CELSR1: variants seen among roughly 807,000 people sequenced by gnomAD.
The protein encoded by CELSR1 is adhesion G protein-coupled receptor C1.
Under a neutral mutation model 249.1 loss-of-function variants are expected in CELSR1, and 110 were observed. That is an observed-to-expected ratio of 0.44 (90% confidence interval 0.38 to 0.52). The LOEUF is 0.52. Among genes scored for constraint, CELSR1 ranks in the 20% least tolerant of loss-of-function variants. The pLI is 0.00. For missense variants in CELSR1, 4,109 were observed against 4,296.4 expected, an observed-to-expected ratio of 0.96 and a Z score of 1.22; for synonymous variants, 2,113 against 1,900.0, an observed-to-expected ratio of 1.11 and a Z score of -2.92.
intron 5 of CELSR1, among the ~76,000 whole-genome samples, chr22:46,424,058 T>C (rs1211377853): frequency 1.3e-5 from 2 of 151,508 alleles, no homozygotes; most frequent in Non-Finnish European, 2.9e-5. Context: ...GCAAACATTG[T>C]AAATCTTAAA....
intron 5 of CELSR1, among the ~76,000 whole-genome samples, chr22:46,422,781 T>A (rs12167693): frequency 0.013 from 1,706 of 135,630 alleles, 98 homozygotes; most frequent in African/African-American, 0.046. Flanking sequence ...AAAAAAAAAA[T>A]GGCTCATAGT....
At chr22:46,457,121 A>C (rs148868865) in intron 2 of CELSR1, among the ~76,000 whole-genome samples, 3,111 of 152,260 alleles carry the variant, frequency 0.02, 116 homozygotes, top group African/African-American at 0.07. Flanking sequence ...CCGAGGCGGG[A>C]GGATCAGAAG....
At position 46,369,226 on chromosome 22, in the gene CELSR1, C is replaced by T; in HGVS notation, c.7905G>A (p.Lys2635=). 1 of 1,614,038 alleles carries T rather than the reference C, an allele frequency of 6.2e-7. No homozygotes were observed. The highest frequency in any genetic ancestry group is 1.1e-5 in the South Asian group (1 of 91,080). The change falls in exon 27 of 35, where the codon AAG becomes AAA. Residue 2635 remains lysine (K), a synonymous_variant. Coordinates refer to ENST00000674500, the MANE Select transcript of CELSR1 (RefSeq NM_001378328.1). ...AATGGTGCTTTCTTTGGCAGGAAAC[C>T]TTTGCAGATAGGACAGAAGTGACTG... ...INTVTSVLSA[K]VSCQRKHHYY...
rs1214031031 is a variant in CELSR1, at chr22:46,374,259, G to A, written c.7585-1202C>T. On this transcript the variant is annotated intron_variant, in intron 24 of 34. Transcript: ENST00000674500. This position sits in a 1 kb window ranked among gnomAD's most constrained non-coding sequence, Gnocchi z 4.3. ...AGGAAGGGGGTGAGAAGGTTGGTTG[G>A]CTGGATGGCTGCTTCAAGTAATGCG... Among the ~76,000 whole-genome samples, 1 of 152,174 alleles carries A rather than the reference G, an allele frequency of 6.6e-6. No homozygotes were observed. The highest frequency in any genetic ancestry group is 1.5e-5 in the Non-Finnish European group (1 of 68,038).
chr22:46,397,888 A>G, intron 11 of CELSR1, 40 bp from the exon 12 acceptor site: 1 of 1,471,602 alleles, frequency 6.8e-7, no homozygotes, highest in Non-Finnish European at 9.1e-7. Flanking sequence ...AGGAGCCCGG[A>G]AAGGTATGTA....
Position 46,530,149 on chromosome 22 carries a change from C to A in CELSR1, c.3544+3478G>T, listed in dbSNP as rs1203059341. On this transcript the variant is annotated intron_variant, in intron 1 of 34. Coordinates refer to ENST00000674500, the MANE Select transcript of CELSR1 (RefSeq NM_001378328.1). ...ACATAGTGAGACCTTGTCTCTATTACAAATAATTAAAAAAAAAATCAGCCA... is the reference window on the plus strand; with the variant it reads ...ACATAGTGAGACCTTGTCTCTATTAAAAATAATTAAAAAAAAAATCAGCCA... 4.0e-5 allele frequency among the ~76,000 whole-genome samples: 6 copies of A among 150,374 alleles called. No individual in the cohort carries two copies. The South Asian group carries it at 1.0e-3, about 26-fold the overall frequency.
In CELSR1 at chr22:46,490,711, AG is replaced by A. The variant is rs1334226176; in HGVS notation, c.3545-26367del. Among the ~76,000 whole-genome samples, 1 of 152,156 alleles carries A rather than the reference AG, an allele frequency of 6.6e-6. No homozygotes were observed. Among genetic ancestry groups the A allele is most frequent in the African/African-American group, 2.4e-5 (1 of 41,416 alleles). ...GTGTGCGGGGACACTTTAAAATACC[AG>A]AAAAATCTACAAAACCAACTCCTGC... On this transcript the variant is annotated intron_variant, in intron 1 of 34. Transcript: ENST00000674500. This position sits in a 1 kb window ranked among gnomAD's most constrained non-coding sequence, Gnocchi z 5.2.
chr22:46,472,555 GGGACA>G lies in CELSR1; in HGVS notation c.3545-8215_3545-8211del, dbSNP rs919058072. ...ATGGAGTTTGCCACACAAAGTGAAG[GGGACA>G]GGCCTCCTGAGAGCACAACGCATGA... On this transcript the variant is annotated intron_variant, in intron 1 of 34. Coordinates refer to ENST00000674500, the MANE Select transcript of CELSR1 (RefSeq NM_001378328.1). This position sits in a 1 kb window ranked among gnomAD's most constrained non-coding sequence, Gnocchi z 7.0. Among the ~76,000 whole-genome samples the G allele has an allele frequency of 3.9e-5, 6 of 152,218 alleles. No individual in the cohort carries two copies. The highest frequency in any genetic ancestry group is 1.4e-4 in the African/African-American group (6 of 41,448).
intron 1 of CELSR1, among the ~76,000 whole-genome samples, chr22:46,510,479 G>A (rs1025595715): frequency 2.0e-5 from 3 of 152,178 alleles, no homozygotes; most frequent in Non-Finnish European, 4.4e-5. Context: ...CAATGTAAGG[G>A]CCCCATGAGG....
intron 1 of CELSR1, among the ~76,000 whole-genome samples, chr22:46,485,722 C>T (rs1040516106): frequency 1.8e-4 from 28 of 152,156 alleles, no homozygotes; most frequent in East Asian, 1.9e-4. Context: ...GGACCGTTGA[C>T]GCTCAGGTTC....
In CELSR1 at chr22:46,536,745, C is replaced by A. The variant is rs1369934813; in HGVS notation, c.426G>T (p.Ala142=). The change falls in exon 1 of 35, where the codon GCG becomes GCT. Residue 142 remains alanine (A), a synonymous_variant. Transcript: ENST00000674500. ...CFPVPGGCAA[A]QHSALAAPTT... is the part of the protein sequence containing the mutation. The stretch of plus-strand genomic sequence containing the variant: ...TCGGAGCTGCGAGCGCCGAATGCTG[C>A]GCGGCCGCGCAGCCGCCGGGGACGG... The A allele has an allele frequency of 8.5e-7, 1 of 1,176,160 alleles. No individual in the cohort carries two copies. 72.9% of individuals were successfully genotyped at this position (1,176,160 alleles called of 1,614,324 possible).
chr22:46,518,902 G>A lies in CELSR1; in HGVS notation c.3544+14725C>T, dbSNP rs1051481482. Among the ~76,000 whole-genome samples, 5 of 152,082 alleles carry A rather than the reference G, an allele frequency of 3.3e-5. No homozygotes were observed. The highest frequency in any genetic ancestry group is 4.8e-5 in the African/African-American group (2 of 41,426). ...ACAAAAATTAGCTGGACGTGGTGGCGCATGCCTGTAATCCCAGCTACTCGG... is the reference window on the plus strand; with the variant it reads ...ACAAAAATTAGCTGGACGTGGTGGCACATGCCTGTAATCCCAGCTACTCGG... On this transcript the variant is annotated intron_variant, in intron 1 of 34. Coordinates refer to ENST00000674500, the MANE Select transcript of CELSR1 (RefSeq NM_001378328.1). This position sits in a 1 kb window ranked among gnomAD's most constrained non-coding sequence, Gnocchi z 5.2.
chr22:46,375,301 C>G (rs994961812), intron 24 of CELSR1, among the ~76,000 whole-genome samples: 2 of 152,172 alleles, frequency 1.3e-5, no homozygotes, highest in Non-Finnish European at 2.9e-5. Context: ...GGTGTCCCAT[C>G]TCACCCAGAC....
chr22:46,489,461 C>T (rs546868267), intron 1 of CELSR1, among the ~76,000 whole-genome samples: 67 of 151,954 alleles, frequency 4.4e-4, no homozygotes, highest in African/African-American at 1.4e-3. Flanking sequence ...CCTCTCCTGG[C>T]GCCCCTCCTA....
At position 46,472,773 on chromosome 22, in the gene CELSR1, C is replaced by G. The variant is rs543852823; in HGVS notation, c.3545-8428G>C. The stretch of plus-strand genomic sequence containing the variant: ...GGCTCAGGGGAGGGTCTGTTCCGGG[C>G]CCCTTTCCCTGGGGGCTGGGGGTCC... On this transcript the variant is annotated intron_variant, in intron 1 of 34. Coordinates refer to ENST00000674500, the MANE Select transcript of CELSR1 (RefSeq NM_001378328.1). This position sits in a 1 kb window ranked among gnomAD's most constrained non-coding sequence, Gnocchi z 7.0. Among the ~76,000 whole-genome samples, 56 of 152,242 alleles carry G rather than the reference C, an allele frequency of 3.7e-4. No homozygotes were observed. The highest frequency in any genetic ancestry group is 1.2e-3 in the African/African-American group (50 of 41,534).
rs375180193 is a variant in CELSR1, at chr22:46,364,145, T to C, written c.8886A>G (p.Thr2962=). The C allele has an allele frequency of 5.3e-5, 85 of 1,607,662 alleles. No individual in the cohort carries two copies. In the South Asian group the frequency reaches 9.1e-4, roughly 17 times the overall value. The change falls in exon 34 of 35, where the codon ACA becomes ACG. Residue 2962 remains threonine (T), a synonymous_variant. Transcript: ENST00000674500. ...EKLADCEQSP[T]SSRTSSLGSG... ...AGCCCAGGGAAGACGTGCGCGAGGA[T>C]GTGGGGCTCTGCTCACAGTCGGCCA...
intron 1 of CELSR1, among the ~76,000 whole-genome samples, chr22:46,470,604 C>G (rs1002458508): frequency 3.3e-5 from 5 of 152,140 alleles, no homozygotes; most frequent in African/African-American, 1.2e-4. Flanking sequence ...CAATCTCCTT[C>G]GAGACCACGG....
chr22:46,432,694 C>T (rs1272266381), intron 5 of CELSR1, among the ~76,000 whole-genome samples: 1 of 152,222 alleles, frequency 6.6e-6, no homozygotes, highest in East Asian at 1.9e-4. Context: ...TGTTCTGGCT[C>T]GCCAGTTACA....
rs2079362992 is a variant in CELSR1 at position 46,413,601 on chromosome 22, T to C, written c.4612-1842A>G. Among the ~76,000 whole-genome samples, 1 of 152,240 alleles carries C rather than the reference T, an allele frequency of 6.6e-6. No homozygotes were observed. ...CTTGTCTGTAAATCCAAGGGAGGCT[T>C]CTACCATGACCCCTGGTATTCGAAT... On this transcript the variant is annotated intron_variant, in intron 5 of 34. Transcript: ENST00000674500. This position sits in a 1 kb window ranked among gnomAD's most constrained non-coding sequence, Gnocchi z 4.7.
Sources: gnomAD v4.1 joint callset for allele counts (sites outside exome capture counted in the v4.1 genomes callset) on GRCh38, gnomAD v4.1.1 for gene constraint, Gnocchi (gnomAD v3.1) non-coding constraint, MANE v1.5 for transcripts, NCBI Gene and HGNC (gene_info 2026-07-23, HGNC 2026-07-21) for gene names.